EFNA5: variants seen among roughly 807,000 people sequenced by gnomAD.
The protein encoded by EFNA5 is ephrin-A5.
A neutral mutation model predicts 22.9 loss-of-function variants in EFNA5; 5 were observed. The observed-to-expected ratio is 0.22, with a 90% CI of 0.11 to 0.46. The LOEUF (loss-of-function observed/expected upper bound fraction) is 0.46. Ranked by LOEUF, EFNA5 falls within the 20% of genes least tolerant of loss-of-function variation. The probability of loss-of-function intolerance (pLI) is 0.99; values close to 1 mark genes in which losing one functional copy is unlikely to be tolerated. For synonymous variants in EFNA5, 113 were observed against 112.2 expected, an observed-to-expected ratio of 1.01 and a Z score of -0.04; for missense variants, 237 against 293.3, an observed-to-expected ratio of 0.81 and a Z score of 1.40.
chr5:107,447,665 G>A (rs1749432043), intron 1 of EFNA5, among the ~76,000 whole-genome samples: 1 of 152,170 alleles, frequency 6.6e-6, no homozygotes, highest in African/African-American at 2.4e-5. Flanking sequence ...ATACAGAAGA[G>A]CCAGCACTTG....
intron 1 of EFNA5, among the ~76,000 whole-genome samples, chr5:107,448,870 T>TAAATAAATAAAA (rs1199766639): frequency 4.0e-3 from 454 of 113,042 alleles, no homozygotes; most frequent in Non-Finnish European, 7.2e-3. Flanking sequence ...AATAAATAAA[T>TAAATAAATAAAA]AAAATAAAAT....
At chr5:107,538,315 A>C (rs930097949) in intron 1 of EFNA5, among the ~76,000 whole-genome samples, 1 of 152,222 alleles carries the variant, frequency 6.6e-6, no homozygotes, top group Non-Finnish European at 1.5e-5. Context: ...TTAATTACTG[A>C]GGTACTTACT....
intron 3 of EFNA5, 67 bp from the exon 4 acceptor site, chr5:107,387,382 CTTTT>C (rs751354023): frequency 2.1e-4 from 230 of 1,080,554 alleles, no homozygotes; most frequent in Non-Finnish European, 2.4e-4. Flanking sequence ...CCATTTCTTT[CTTTT>C]TTCTTTCTCT....
chr5:107,608,374 C>G (rs1458340247), intron 1 of EFNA5, among the ~76,000 whole-genome samples: 1 of 152,154 alleles, frequency 6.6e-6, no homozygotes, highest in African/African-American at 2.4e-5. Flanking sequence ...ATGCTGTGGT[C>G]CACAGTCTCA....
At chr5:107,462,990 C>T (rs962580358) in intron 1 of EFNA5, among the ~76,000 whole-genome samples, 3 of 152,240 alleles carry the variant, frequency 2.0e-5, no homozygotes, top group Admixed American at 6.5e-5. Context: ...CAGTCACTGG[C>T]GTCCATCCTG....
chr5:107,656,610 T>C (rs1387326057), intron 1 of EFNA5, among the ~76,000 whole-genome samples: 8 of 152,126 alleles, frequency 5.3e-5, no homozygotes, highest in Non-Finnish European at 7.4e-5. Context: ...GTGAGGTAAC[T>C]CCCCTTAAAT....
intron 1 of EFNA5, among the ~76,000 whole-genome samples, chr5:107,558,030 T>C (rs74864677): frequency 0.038 from 5,781 of 152,196 alleles, 328 homozygotes; most frequent in African/African-American, 0.12. Context: ...AGGTTTAGAA[T>C]AGTGCCTGGC....
chr5:107,486,540 T>C (rs1746627230), intron 1 of EFNA5, among the ~76,000 whole-genome samples: 1 of 152,232 alleles, frequency 6.6e-6, no homozygotes, highest in South Asian at 2.1e-4. Flanking sequence ...AGTTCACCCA[T>C]ATCTAACTTT....
intron 1 of EFNA5, among the ~76,000 whole-genome samples, chr5:107,645,659 T>G (rs1750620812): frequency 6.6e-6 from 1 of 152,226 alleles, no homozygotes; most frequent in Non-Finnish European, 1.5e-5. Flanking sequence ...CTTATGGATA[T>G]TACATATACT....
intron 1 of EFNA5, among the ~76,000 whole-genome samples, chr5:107,617,657 A>G (rs1423874289): frequency 6.6e-6 from 1 of 152,256 alleles, no homozygotes; most frequent in African/African-American, 2.4e-5. Flanking sequence ...GGAAGAATTA[A>G]TAACTATTAA....
chr5:107,427,070 A>C (rs1748828110), intron 2 of EFNA5, 147 bp downstream of exon 2: 3 of 816,340 alleles, frequency 3.7e-6, no homozygotes, highest in South Asian at 1.7e-5. Flanking sequence ...TTCCCAGCTA[A>C]TGTATCTAGG....
chr5:107,449,708 G>C (rs1425559788), intron 1 of EFNA5, among the ~76,000 whole-genome samples: 1 of 152,194 alleles, frequency 6.6e-6, no homozygotes, highest in Non-Finnish European at 1.5e-5. Flanking sequence ...ATTCCTGACA[G>C]AGGAATATAA....
intron 1 of EFNA5, among the ~76,000 whole-genome samples, chr5:107,511,260 A>G (rs1405869343): frequency 6.6e-6 from 1 of 152,154 alleles, no homozygotes; most frequent in Non-Finnish European, 1.5e-5. Context: ...TTCTGACCTC[A>G]GGTGATCAGC....
intron 1 of EFNA5, among the ~76,000 whole-genome samples, chr5:107,549,262 G>C (rs1748233751): frequency 6.6e-6 from 1 of 152,200 alleles, no homozygotes; most frequent in Non-Finnish European, 1.5e-5. Flanking sequence ...CAAAAACACT[G>C]AGGCTTTTAA....
chr5:107,458,592 A>G (rs1749754522), intron 1 of EFNA5, among the ~76,000 whole-genome samples: 1 of 152,076 alleles, frequency 6.6e-6, no homozygotes, highest in Non-Finnish European at 1.5e-5. Flanking sequence ...TCGTGAGACA[A>G]TAAACTGCAG....
intron 1 of EFNA5, among the ~76,000 whole-genome samples, chr5:107,607,164 T>A: frequency 6.6e-6 from 1 of 152,224 alleles, no homozygotes; most frequent in Non-Finnish European, 1.5e-5. Flanking sequence ...GAAGTGTATA[T>A]CCTAAAAGAG....
intron 1 of EFNA5, among the ~76,000 whole-genome samples, chr5:107,528,300 T>C (rs1339733172): frequency 2.6e-5 from 4 of 152,220 alleles, no homozygotes; most frequent in Non-Finnish European, 5.9e-5. Flanking sequence ...GATGGGACAC[T>C]CATTATAACA....
intron 1 of EFNA5, among the ~76,000 whole-genome samples, chr5:107,583,868 C>A (rs1749121516): frequency 6.6e-6 from 1 of 152,130 alleles, no homozygotes; most frequent in Admixed American, 6.5e-5. Context: ...CTGTGGAAGA[C>A]ACCCAGAGCC....
chr5:107,603,176 G>A (rs557954103), intron 1 of EFNA5, among the ~76,000 whole-genome samples: 6 of 152,252 alleles, frequency 3.9e-5, no homozygotes, highest in South Asian at 4.1e-4. Flanking sequence ...GATTTAAGCC[G>A]AACTCCTCCT....
Sources: allele counts gnomAD v4.1 joint callset (sites outside exome capture counted in the v4.1 genomes callset), GRCh38; gene constraint gnomAD v4.1.1; transcripts MANE v1.5; gene names NCBI Gene and HGNC (gene_info 2026-07-23, HGNC 2026-07-21).